CLIP1: variants seen among roughly 807,000 people sequenced by gnomAD.
CLIP1 encodes the protein CAP-Gly domain-containing linker protein 1.
In CLIP1, 66 loss-of-function variants were observed where a neutral mutation model predicts 161.6. The observed-to-expected ratio is 0.41, with a 90% CI of 0.33 to 0.50. The LOEUF is 0.50. CLIP1 is among the 20% of genes least tolerant of loss of function. The probability of loss-of-function intolerance (pLI) is 0.27; values close to 1 mark genes in which losing one functional copy is unlikely to be tolerated. For synonymous variants in CLIP1, 598 were observed against 626.2 expected, an observed-to-expected ratio of 0.96 and a Z score of 0.67; for missense variants, 1,376 against 1,702.0, an observed-to-expected ratio of 0.81 and a Z score of 3.37.
chr12:122,303,511 T>G (rs369745084), intron 20 of CLIP1, among the ~76,000 whole-genome samples: 21 of 152,300 alleles, frequency 1.4e-4, no homozygotes, highest in Admixed American at 5.2e-4. Flanking sequence ...GGTTTCTGGA[T>G]AGAGTCAAGG....
intron 8 of CLIP1, among the ~76,000 whole-genome samples, chr12:122,351,972 C>T (rs996644008): frequency 6.6e-6 from 1 of 151,800 alleles, no homozygotes; most frequent in Non-Finnish European, 1.5e-5. Flanking sequence ...ACAATTACAA[C>T]ATATTCCTTT....
chr12:122,290,492 T>C (rs73404014), intron 20 of CLIP1, among the ~76,000 whole-genome samples: 1,732 of 152,322 alleles, frequency 0.011, 26 homozygotes, highest in African/African-American at 0.039. Flanking sequence ...GTACAGTTTA[T>C]ATTTATTCTT....
intron 1 of CLIP1, among the ~76,000 whole-genome samples, chr12:122,382,503 GA>G (rs1257425704): frequency 2.0e-5 from 3 of 146,716 alleles, no homozygotes; most frequent in African/African-American, 7.4e-5. Flanking sequence ...ACACCACCTC[GA>G]AAAAGAAAAA....
intron 21 of CLIP1, among the ~76,000 whole-genome samples, chr12:122,282,418 A>G (rs1955683197): frequency 6.6e-6 from 1 of 152,196 alleles, no homozygotes; most frequent in South Asian, 2.1e-4. Context: ...GGGAACAGAA[A>G]TCTTTCTCTC....
chr12:122,410,586 G>A (rs1421435315), intron 1 of CLIP1, among the ~76,000 whole-genome samples: 3 of 151,296 alleles, frequency 2.0e-5, no homozygotes, highest in South Asian at 2.1e-4. Context: ...AGCCTCCCGA[G>A]TAGCTGGGAT....
At chr12:122,357,465 G>A (rs1374934745) in intron 5 of CLIP1, among the ~76,000 whole-genome samples, 1 of 151,274 alleles carries the variant, frequency 6.6e-6, no homozygotes, top group Admixed American at 6.6e-5. Context: ...TGGGAAGTGA[G>A]GAGCGTCTCC....
chr12:122,318,665 GA>G (rs1235014576), intron 18 of CLIP1, among the ~76,000 whole-genome samples: 1 of 152,192 alleles, frequency 6.6e-6, no homozygotes, highest in Non-Finnish European at 1.5e-5. Flanking sequence ...TCCAAATGAA[GA>G]AAGGGTTGGT....
intron 10 of CLIP1, among the ~76,000 whole-genome samples, chr12:122,344,969 AAC>A (rs1952677252): frequency 7.0e-6 from 1 of 143,536 alleles, no homozygotes; most frequent in Non-Finnish European, 1.5e-5. Flanking sequence ...ACCATGGTGT[AAC>A]TGAATGCCTT....
chr12:122,299,561 ATTG>A (rs1339642080), intron 20 of CLIP1, among the ~76,000 whole-genome samples: 1 of 142,870 alleles, frequency 7.0e-6, no homozygotes. Context: ...TTACTTTATT[ATTG>A]TTGTTAAAAT....
chr12:122,333,203 AGT>A, intron 14 of CLIP1, 60 bp from the exon 15 acceptor site: 1 of 1,263,156 alleles, frequency 7.9e-7, no homozygotes, highest in African/African-American at 1.5e-5. Context: ...AAACTGACTG[AGT>A]GTATTCTTGC....
At chr12:122,404,899 C>CAAA (rs1418305535) in intron 1 of CLIP1, among the ~76,000 whole-genome samples, 10 of 76,160 alleles carry the variant, frequency 1.3e-4, no homozygotes, top group Non-Finnish European at 2.8e-4. Context: ...GACTCCATCT[C>CAAA]AAAAAAAAAA....
chr12:122,412,515 C>T (rs1264898496), intron 1 of CLIP1, among the ~76,000 whole-genome samples: 1 of 151,912 alleles, frequency 6.6e-6, no homozygotes, highest in Non-Finnish European at 1.5e-5. Flanking sequence ...ATTAGACGGG[C>T]AAGGTGGCAC....
intron 21 of CLIP1, among the ~76,000 whole-genome samples, chr12:122,283,972 G>C (rs1382160694): frequency 6.6e-6 from 1 of 152,026 alleles, no homozygotes; most frequent in Non-Finnish European, 1.5e-5. Context: ...TAAATTAATA[G>C]TATATTAAGT....
intron 1 of CLIP1, among the ~76,000 whole-genome samples, chr12:122,419,516 A>G (rs969609870): frequency 4.6e-5 from 7 of 152,144 alleles, no homozygotes; most frequent in African/African-American, 1.7e-4. Context: ...GTAAGTAATA[A>G]CGAAGAACCA....
chr12:122,285,319 C>T (rs1382570090), intron 21 of CLIP1, among the ~76,000 whole-genome samples: 1 of 150,586 alleles, frequency 6.6e-6, no homozygotes, highest in African/African-American at 2.5e-5. Context: ...CTCCACCTCC[C>T]GGGTTCAGGC....
At chr12:122,417,522 T>C (rs562473261) in intron 1 of CLIP1, among the ~76,000 whole-genome samples, 11,618 of 149,350 alleles carry the variant, frequency 0.078, 1,528 homozygotes, top group African/African-American at 0.27. Context: ...TTTTTTTTTT[T>C]TTTTTTTTGA....
intron 2 of CLIP1, among the ~76,000 whole-genome samples, 190 bp from the exon 3 acceptor site, chr12:122,378,150 G>C (rs11057810): frequency 0.13 from 19,802 of 150,606 alleles, 1,662 homozygotes; most frequent in East Asian, 0.46. Context: ...GCAGTGGTGT[G>C]ATCTCGGCTC....
At chr12:122,393,691 C>A (rs1955766232) in intron 1 of CLIP1, among the ~76,000 whole-genome samples, 1 of 151,984 alleles carries the variant, frequency 6.6e-6, no homozygotes, top group East Asian at 1.9e-4. Context: ...GCAGACAGAT[C>A]ACCTGAGGTC....
chr12:122,402,633 G>A (rs1038504571), intron 1 of CLIP1, among the ~76,000 whole-genome samples: 1 of 152,054 alleles, frequency 6.6e-6, no homozygotes, highest in South Asian at 2.1e-4. Flanking sequence ...AAAATTAGTC[G>A]GATGTGGTGG....
Sources: gnomAD v4.1 joint callset for allele counts (sites outside exome capture counted in the v4.1 genomes callset) on GRCh38, gnomAD v4.1.1 for gene constraint, MANE v1.5 for transcripts, NCBI Gene and HGNC (gene_info 2026-07-23, HGNC 2026-07-21) for gene names.